The following CERS4 variants were observed in gnomAD, a reference collection of about 807,000 sequenced individuals.
CERS4 encodes the protein LAG1 homolog, ceramide synthase 4.
Under a neutral mutation model 51.8 loss-of-function variants are expected in CERS4, and 65 were observed. The observed-to-expected ratio is 1.26, with a 90% CI of 1.03 to 1.54. The LOEUF (loss-of-function observed/expected upper bound fraction) is 1.54, where lower values mean the gene tolerates loss of function less well. CERS4 is among the 40% of genes most tolerant of loss of function. The probability of loss-of-function intolerance (pLI) is 0.00; values close to 1 mark genes in which losing one functional copy is unlikely to be tolerated. For synonymous variants in CERS4, 228 were observed against 208.4 expected (o/e 1.09, Z -0.81); for missense variants, 563 against 500.4 (o/e 1.13, Z -1.19).
At chr19:8,240,318 T>C (rs1426733730) in intron 2 of CERS4, among the ~76,000 whole-genome samples, 1 of 151,890 alleles carries the variant, frequency 6.6e-6, no homozygotes, top group African/African-American at 2.4e-5. Flanking sequence ...CTTGGGGTCT[T>C]TGGGGGGAGT....
chr19:8,214,504 G>A (rs1335596796), intron 2 of CERS4: 2 of 152,694 alleles, frequency 1.3e-5, no homozygotes, highest in African/African-American at 2.4e-5. Context: ...AATGCAATGA[G>A]GCTGGGGTGG....
intron 10 of CERS4, 73 bp from the exon 11 acceptor site, chr19:8,261,615 G>C (rs1969704891): frequency 6.4e-7 from 1 of 1,569,958 alleles, no homozygotes. Flanking sequence ...GGCCATGCCA[G>C]TTAGAAATTC....
In CERS4 at chr19:8,248,897, G is replaced by C. The variant is rs187205107; in HGVS notation, c.-1-2179G>C. ...GGTGGGTGGGCAGATGTTTGGATGG[G>C]TGGACATATGGATGATGGGTAGATG... is the stretch of plus-strand genomic sequence containing the variant. On this transcript the variant is annotated intron_variant, in intron 2 of 11. Transcript: ENST00000251363. Among the ~76,000 whole-genome samples the C allele has an allele frequency of 6.0e-4, 90 of 150,434 alleles. 1 individual carries two copies. The highest frequency in any genetic ancestry group is 6.6e-4 in the Admixed American group (10 of 15,102).
intron 2 of CERS4, among the ~76,000 whole-genome samples, chr19:8,242,451 G>C (rs1039320394): frequency 2.0e-5 from 3 of 152,150 alleles, no homozygotes; most frequent in African/African-American, 7.2e-5. Context: ...GGAGAGGAGA[G>C]TTTAGAACTG....
intron 2 of CERS4, among the ~76,000 whole-genome samples, chr19:8,237,424 G>A (rs1055895019): frequency 6.6e-6 from 1 of 152,004 alleles, no homozygotes; most frequent in African/African-American, 2.4e-5. Context: ...GCATGGTGGT[G>A]GATGCCTGTG....
chr19:8,245,122 A>AAAAACAAAAAAAACAAAAAAAAC (rs1555777239), intron 2 of CERS4, among the ~76,000 whole-genome samples: 36 of 129,284 alleles, frequency 2.8e-4, no homozygotes, highest in African/African-American at 1.0e-3. Context: ...AAAAAAAAAA[A>AAAAACAAAAAAAACAAAAAAAAC]AAAAAAAAAA....
At chr19:8,251,729 G>A (rs1969090154) in intron 3 of CERS4, among the ~76,000 whole-genome samples, 1 of 151,800 alleles carries the variant, frequency 6.6e-6, no homozygotes, top group African/African-American at 2.4e-5. Flanking sequence ...GCCTGAACCT[G>A]GGAGGTGGAG....
chr19:8,249,863 A>G (rs1461256709), intron 2 of CERS4, among the ~76,000 whole-genome samples: 1 of 151,966 alleles, frequency 6.6e-6, no homozygotes. Flanking sequence ...TGCTGGGATT[A>G]CAGGCAGTGA....
At chr19:8,236,800 G>C (rs1315978112) in intron 2 of CERS4, among the ~76,000 whole-genome samples, 1 of 151,484 alleles carries the variant, frequency 6.6e-6, no homozygotes, top group East Asian at 1.9e-4. Flanking sequence ...CCAGGAGTTT[G>C]AGACCAGCCT....
chr19:8,255,919 A>G (rs373826809), intron 6 of CERS4, 40 bp downstream of exon 6: 413 of 1,604,916 alleles, frequency 2.6e-4, no homozygotes, highest in Admixed American at 6.5e-4. Context: ...CACCTGCCCC[A>G]TCCACCTGGC....
chr19:8,226,822 G>A (rs1232816563), intron 2 of CERS4, among the ~76,000 whole-genome samples: 4 of 151,778 alleles, frequency 2.6e-5, no homozygotes, highest in Non-Finnish European at 4.4e-5. Flanking sequence ...CTGAAACCCC[G>A]TCTCTACTAA....
At chr19:8,255,905 T>G (rs2145318326) in intron 6 of CERS4, 26 bp downstream of exon 6, 1 of 1,611,892 alleles carries the variant, frequency 6.2e-7, no homozygotes, top group East Asian at 2.2e-5. Flanking sequence ...TATAGCTGAC[T>G]GCTCACCTGC....
At chr19:8,250,648 G>C (rs1283126714) in intron 2 of CERS4, 1 of 172,012 alleles carries the variant, frequency 5.8e-6, no homozygotes, top group Non-Finnish European at 1.2e-5. Flanking sequence ...GTAGAGACAG[G>C]GTTTCACCAT....
At chr19:8,219,924 A>C (rs148325119) in intron 2 of CERS4, among the ~76,000 whole-genome samples, 2,538 of 151,924 alleles carry the variant, frequency 0.017, 65 homozygotes, top group African/African-American at 0.058. Context: ...TTGAGGCTGC[A>C]GTGAGCTATG....
At chr19:8,224,796 C>T (rs11880028) in intron 2 of CERS4, among the ~76,000 whole-genome samples, 2,453 of 152,110 alleles carry the variant, frequency 0.016, 28 homozygotes, top group Middle Eastern at 0.034. Flanking sequence ...GCGGGAAAGA[C>T]GGACGTAATC....
Position 8,261,677 on chromosome 19 carries a change from C to T in CERS4, c.849-11C>T, listed in dbSNP as rs576236985. ...TCAAACCCCAGCCTCCTCCTCTCCC[C>T]CTGGCTGTAGGATCCTCTACACCAC... is the stretch of plus-strand genomic sequence containing the variant. On this transcript the variant is annotated splice_polypyrimidine_tract_variant and intron_variant, in intron 10 of 11. Transcript: ENST00000251363. 6.2e-7 allele frequency: 1 copy of T among 1,613,750 alleles called. No individual in the cohort carries two copies. Among genetic ancestry groups the T allele is most frequent in the African/African-American group, 1.3e-5 (1 of 74,886 alleles).
intron 2 of CERS4, among the ~76,000 whole-genome samples, chr19:8,218,164 C>T (rs1334044617): frequency 1.3e-5 from 2 of 152,074 alleles, no homozygotes; most frequent in Admixed American, 1.3e-4. Context: ...GAGGTTTCAC[C>T]ATATTGGCCA....
At chr19:8,218,718 G>A (rs994218478) in intron 2 of CERS4, among the ~76,000 whole-genome samples, 2 of 152,186 alleles carry the variant, frequency 1.3e-5, no homozygotes, top group African/African-American at 4.8e-5. Context: ...GTCCTGGACC[G>A]TCATCTGAGA....
intron 2 of CERS4, among the ~76,000 whole-genome samples, chr19:8,246,461 C>T (rs933293345): frequency 1.3e-5 from 2 of 151,344 alleles, no homozygotes; most frequent in Non-Finnish European, 2.9e-5. Flanking sequence ...CGGGGGCTGA[C>T]ATGAAAAGAC....
Sources: gnomAD v4.1 joint callset for allele counts (sites outside exome capture counted in the v4.1 genomes callset) on GRCh38, gnomAD v4.1.1 for gene constraint, MANE v1.5 for transcripts, NCBI Gene and HGNC (gene_info 2026-07-23, HGNC 2026-07-21) for gene names.